The following PSMG2 variants were observed in gnomAD, a reference collection of about 807,000 sequenced individuals.
PSMG2 encodes the protein CD40 ligand-activated specific transcript 3.
Under a neutral mutation model 31.5 loss-of-function variants are expected in PSMG2, and 21 were observed. The observed-to-expected ratio is 0.67, with a 90% confidence interval of 0.47 to 0.96. PSMG2 has a LOEUF of 0.96. Among genes scored for constraint, PSMG2 ranks in the 40% least tolerant of loss-of-function variants. PSMG2 has a pLI of 0.00. For missense variants in PSMG2, 318 were observed against 321.2 expected (o/e 0.99, Z 0.08); for synonymous variants, 120 against 110.4 (o/e 1.09, Z -0.54).
intron 1 of PSMG2, chr18:12,658,824 C>T: frequency 3.1e-6 from 1 of 320,850 alleles, no homozygotes; most frequent in Non-Finnish European, 6.3e-6. Flanking sequence ...ACTGACTTCT[C>T]CCAAAAGCTA....
chr18:12,706,481 T>G (rs1034430549), intron 1 of PSMG2, 69 bp from the exon 2 acceptor site: 4 of 1,532,026 alleles, frequency 2.6e-6, no homozygotes, highest in Non-Finnish European at 3.6e-6. Flanking sequence ...AGGCAGACTC[T>G]GTTTCAAAAA....
intron 1 of PSMG2, among the ~76,000 whole-genome samples, chr18:12,703,515 C>T (rs188331146): frequency 6.6e-6 from 1 of 152,190 alleles, no homozygotes; most frequent in Admixed American, 6.5e-5. Flanking sequence ...CTTAAGCTAG[C>T]ATATTATCGT....
intron 1 of PSMG2, among the ~76,000 whole-genome samples, chr18:12,669,988 A>G (rs895788187): frequency 4.8e-5 from 7 of 146,400 alleles, no homozygotes; most frequent in African/African-American, 1.8e-4. Context: ...CAAGAGCCAA[A>G]CTGTCTCAAA....
rs201820337 is a variant in PSMG2, at chr18:12,660,729, CA to C, written c.-37+1958del. ...AGGGAGACATTACTGCACTGTATCA[CA>C]AGACAGTTATATCCAACAGAAGGGC... On this transcript the variant is annotated intron_variant, in intron 1 of 6. Transcript: ENST00000585331. Among the ~76,000 whole-genome samples the C allele has an allele frequency of 6.4e-3, 969 of 151,942 alleles. 32 individuals carry two copies. The highest frequency in any genetic ancestry group is 0.058 in the Admixed American group (878 of 15,256).
At chr18:12,712,340 G>C (rs1252897921) in intron 2 of PSMG2, among the ~76,000 whole-genome samples, 1 of 152,160 alleles carries the variant, frequency 6.6e-6, no homozygotes, top group Non-Finnish European at 1.5e-5. Flanking sequence ...AAAGAGGGGA[G>C]AATATCAAAA....
intron 1 of PSMG2, among the ~76,000 whole-genome samples, chr18:12,703,753 C>T (rs2040228313): frequency 6.6e-6 from 1 of 152,036 alleles, no homozygotes; most frequent in Non-Finnish European, 1.5e-5. Flanking sequence ...TAGAAAGGTC[C>T]TGAGATAATT....
At chr18:12,692,849 G>T (rs2039816954) in intron 1 of PSMG2, among the ~76,000 whole-genome samples, 1 of 152,150 alleles carries the variant, frequency 6.6e-6, no homozygotes, top group Non-Finnish European at 1.5e-5. Flanking sequence ...AAGAGACAGG[G>T]TCTTGCTCTG....
chr18:12,691,420 C>T (rs999633931), intron 1 of PSMG2: 1 of 1,608,866 alleles, frequency 6.2e-7, no homozygotes, highest in Non-Finnish European at 8.5e-7. Context: ...ATATTCTCTC[C>T]ACCACTGCTT....
At chr18:12,721,073 G>A (rs1156266745) in intron 5 of PSMG2, among the ~76,000 whole-genome samples, 1 of 151,328 alleles carries the variant, frequency 6.6e-6, no homozygotes, top group South Asian at 2.1e-4. Flanking sequence ...CCAGCTACTC[G>A]GGAGGCCGAG....
rs1399724076 is a variant in PSMG2, at chr18:12,667,448, C to T, written c.-37+8675C>T. 3.9e-4 allele frequency among the ~76,000 whole-genome samples: 60 copies of T among 152,022 alleles called. 1 individual carries two copies. The highest frequency in any genetic ancestry group is 4.4e-5 in the Non-Finnish European group (3 of 67,988). On this transcript the variant is annotated intron_variant, in intron 1 of 6. Transcript: ENST00000585331. ...CTCTATCCCCAAAGACAGAGTGAGACAGTCTCTTGAAATTAAGAAAATATA... is the reference window on the plus strand; with the variant it reads ...CTCTATCCCCAAAGACAGAGTGAGATAGTCTCTTGAAATTAAGAAAATATA...
upstream of PSMG2, chr18:12,700,199 G>T: frequency 4.9e-6 from 1 of 203,116 alleles, no homozygotes; most frequent in East Asian, 1.1e-4. Flanking sequence ...TAAACTTTCT[G>T]TAAACCTTAT....
At chr18:12,707,116 T>G (rs1384260777) in intron 2 of PSMG2, among the ~76,000 whole-genome samples, 2 of 152,140 alleles carry the variant, frequency 1.3e-5, no homozygotes, top group African/African-American at 4.8e-5. Context: ...CCACCGCACC[T>G]GGCTAATTTT....
chr18:12,723,129 A>G (rs1351229989), intron 5 of PSMG2, among the ~76,000 whole-genome samples: 1 of 152,342 alleles, frequency 6.6e-6, no homozygotes, highest in Admixed American at 6.5e-5. Flanking sequence ...CCGAATGTAT[A>G]TATCAGAGTC....
intron 1 of PSMG2, chr18:12,678,014 T>G: frequency 1.1e-6 from 1 of 920,096 alleles, no homozygotes; most frequent in South Asian, 1.6e-5. Context: ...TGTTCAGGGC[T>G]AGAATAGTGA....
At chr18:12,658,863 A>G in intron 1 of PSMG2, 1 of 302,002 alleles carries the variant, frequency 3.3e-6, no homozygotes, top group South Asian at 2.6e-5. Context: ...AAACATGTAC[A>G]TAATTTGCAG....
upstream of PSMG2, chr18:12,702,665 G>A: frequency 8.7e-7 from 1 of 1,149,420 alleles, no homozygotes; most frequent in Non-Finnish European, 1.2e-6. Flanking sequence ...GCAGCCGTTC[G>A]CCTAGCGCAG....
In PSMG2 at chr18:12,709,555, A is replaced by G. The variant is rs1372667778; in HGVS notation, c.229+2834A>G. Among the ~76,000 whole-genome samples, 5 of 149,952 alleles carry G rather than the reference A, an allele frequency of 3.3e-5. No homozygotes were observed. The East Asian group carries it at 1.0e-3, about 30-fold the overall frequency. On this transcript the variant is annotated intron_variant, in intron 2 of 6. Transcript: ENST00000317615. The stretch of plus-strand genomic sequence containing the variant: ...CTCTTGTTGCCCAGGCTGTAGTGCA[A>G]TGCCACGATTTTGGTTCACTGCAAC...
rs540423945 is a variant in PSMG2 at position 12,686,060 on chromosome 18, T to C, written c.-36-20490T>C. 13 of 451,242 alleles carry C rather than the reference T, an allele frequency of 2.9e-5. No individual in the cohort carries two copies. In the East Asian group the frequency reaches 4.8e-4, roughly 17 times the overall value. 28.0% of individuals were successfully genotyped at this position (451,242 alleles called of 1,614,324 possible). A position where few individuals can be genotyped will look rare whatever the true frequency, so the allele number is the denominator to read the frequency against. On this transcript the variant is annotated intron_variant, in intron 1 of 6. Coordinates refer to the PSMG2 transcript ENST00000585331. ...ACGTTGTTACACACCATTTTTTAAT[T>C]TGTACTATTTTTTATTATTGTAATT... is the stretch of plus-strand genomic sequence containing the variant.
chr18:12,672,634 G>T, intron 1 of PSMG2: 1 of 980,976 alleles, frequency 1.0e-6, no homozygotes, highest in Non-Finnish European at 1.2e-6. Context: ...ATCAGTGATC[G>T]ACTGCAAGAT....
Sources: gnomAD v4.1 joint callset for allele counts (sites outside exome capture counted in the v4.1 genomes callset) on GRCh38, gnomAD v4.1.1 for gene constraint, MANE v1.5 for transcripts, NCBI Gene and HGNC (gene_info 2026-07-23, HGNC 2026-07-21) for gene names.